CDH12: variants seen among roughly 807,000 people sequenced by gnomAD.
CDH12 encodes cadherin-12.
Under a neutral mutation model 74.1 loss-of-function variants are expected in CDH12, and 41 were observed. The observed-to-expected ratio is 0.55, with a 90% CI of 0.43 to 0.72. The LOEUF (loss-of-function observed/expected upper bound fraction) is 0.72. Among genes scored for constraint, CDH12 ranks in the 30% least tolerant of loss-of-function variants. The pLI, the probability that CDH12 is intolerant of heterozygous loss-of-function variation, is 0.00. For missense variants in CDH12, 945 were observed against 977.2 expected, an observed-to-expected ratio of 0.97 and a Z score of 0.44; for synonymous variants, 399 against 355.0, an observed-to-expected ratio of 1.12 and a Z score of -1.39.
chr5:21,910,821 G>T (rs1753829972), intron 6 of CDH12, among the ~76,000 whole-genome samples: 1 of 152,100 alleles, frequency 6.6e-6, no homozygotes, highest in Admixed American at 6.6e-5. Context: ...CCTCTTCTGT[G>T]CTAGGAAGAA....
chr5:22,574,358 T>C (rs191250735), intron 1 of CDH12, among the ~76,000 whole-genome samples: 11 of 152,212 alleles, frequency 7.2e-5, no homozygotes, highest in South Asian at 2.1e-4. Context: ...CATCACCGTC[T>C]TCAATTTCAG....
chr5:22,252,550 C>A (rs79740849), intron 3 of CDH12, among the ~76,000 whole-genome samples: 3,847 of 152,040 alleles, frequency 0.025, 72 homozygotes, highest in African/African-American at 0.052. Flanking sequence ...AAAGTTTATA[C>A]TTTATATTAC....
intron 1 of CDH12, among the ~76,000 whole-genome samples, chr5:22,625,719 G>T (rs1738253525): frequency 6.6e-6 from 1 of 152,120 alleles, no homozygotes; most frequent in Non-Finnish European, 1.5e-5. Context: ...ACGCATGCTT[G>T]CAGGGCATAT....
chr5:22,790,434 C>T (rs1012618085), intron 1 of CDH12, among the ~76,000 whole-genome samples: 1 of 152,022 alleles, frequency 6.6e-6, no homozygotes, highest in African/African-American at 2.4e-5. Context: ...TAGCCCAAAG[C>T]CTTACACTTC....
chr5:22,440,398 TA>T (rs1171954804), intron 2 of CDH12, among the ~76,000 whole-genome samples: 1 of 152,146 alleles, frequency 6.6e-6, no homozygotes, highest in Non-Finnish European at 1.5e-5. Flanking sequence ...TTAATAATAA[TA>T]GCCATAATAC....
At chr5:22,261,547 G>A (rs1302347013) in intron 3 of CDH12, among the ~76,000 whole-genome samples, 1 of 151,900 alleles carries the variant, frequency 6.6e-6, no homozygotes. Flanking sequence ...AGTTCATACT[G>A]GGCTCATCTT....
chr5:22,497,559 C>T (rs2126649976), intron 2 of CDH12, among the ~76,000 whole-genome samples: 1 of 151,664 alleles, frequency 6.6e-6, no homozygotes. Context: ...ATCAACACAT[C>T]AGCCAGAGAA....
chr5:22,169,509 C>A (rs1052600603), intron 4 of CDH12, among the ~76,000 whole-genome samples: 2 of 151,924 alleles, frequency 1.3e-5, no homozygotes, highest in Non-Finnish European at 2.9e-5. Context: ...TTGTTTAACA[C>A]AATGACCTTG....
At position 22,776,354 on chromosome 5, in the gene CDH12, A is replaced by G. The variant is rs1180427799; in HGVS notation, c.-523+76704T>C. Among the ~76,000 whole-genome samples, 5 of 152,110 alleles carry G rather than the reference A, an allele frequency of 3.3e-5. No homozygotes were observed. In the South Asian group the frequency reaches 8.3e-4, roughly 25 times the overall value. On this transcript the variant is annotated intron_variant, in intron 1 of 14. Coordinates refer to ENST00000382254, the MANE Select transcript of CDH12 (RefSeq NM_004061.5). ...ATGTTTAGCACCTACTACTTAAGAA[A>G]CACTAGTGTCACACGGGATTAAATA...
chr5:21,755,618 T>C lies in CDH12; in HGVS notation c.1858A>G (p.Ile620Val). 6.2e-7 allele frequency: 1 copy of C among 1,613,952 alleles called. No homozygotes were observed. Among genetic ancestry groups the C allele is most frequent in the South Asian group, 1.1e-5 (1 of 91,076 alleles). The change falls in exon 14 of 15, where the codon ATT (isoleucine) becomes GTT (valine). Residue 620 changes from isoleucine to valine, a missense_variant. Ile to Val is a conservative substitution (Grantham distance 29). This residue lies in a region of CDH12 where 791 missense variants were observed against 792.8 expected (regional missense o/e 1.00). Transcript: ENST00000382254. Reference sequence around the variant, plus strand: ...AAGAGTATAACAATGCATAGTAGAATTGCAATCAACGCCCCAGTGCTAAGT... The same window carrying C: ...AAGAGTATAACAATGCATAGTAGAACTGCAATCAACGCCCCAGTGCTAAGT... ...VGLSTGALIA[I>V]LLCIVILLAI... is the part of the protein sequence containing the mutation.
At chr5:22,743,582 A>G (rs147630468) in intron 1 of CDH12, among the ~76,000 whole-genome samples, 4 of 152,232 alleles carry the variant, frequency 2.6e-5, no homozygotes, top group East Asian at 3.9e-4. Flanking sequence ...TTTGGAAGAC[A>G]AATTACTAAA....
rs1236831803 is a variant in CDH12, at chr5:21,802,441, G to A, written c.1003-21C>T. ...AAAGGCTGTAGTGAGGACAAATTAA[G>A]AATAAGGAGTAAATTTATATAGAAT... On this transcript the variant is annotated intron_variant, in intron 9 of 14. Transcript: ENST00000382254. 8 of 1,595,860 alleles carry A rather than the reference G, an allele frequency of 5.0e-6. No individual in the cohort carries two copies. In the East Asian group the frequency reaches 1.8e-4, roughly 36 times the overall value.
intron 1 of CDH12, among the ~76,000 whole-genome samples, chr5:22,587,215 G>A (rs1740448698): frequency 6.6e-6 from 1 of 151,920 alleles, no homozygotes; most frequent in South Asian, 2.1e-4. Context: ...TTGCAGGAGT[G>A]GGTTAGTTAC....
intron 6 of CDH12, among the ~76,000 whole-genome samples, chr5:21,881,406 C>T (rs1293215834): frequency 1.3e-5 from 2 of 152,088 alleles, no homozygotes; most frequent in Admixed American, 6.6e-5. Context: ...GATGATGACG[C>T]GGGTTGTCTG....
intron 1 of CDH12, among the ~76,000 whole-genome samples, chr5:22,608,205 TG>T (rs1737216960): frequency 6.6e-6 from 1 of 152,214 alleles, no homozygotes; most frequent in Non-Finnish European, 1.5e-5. Context: ...GGCTATTCCC[TG>T]CAAAGCCACA....
At position 22,099,825 on chromosome 5, in the gene CDH12, T is replaced by G. The variant is rs192363996; in HGVS notation, c.-186-20963A>C. On this transcript the variant is annotated intron_variant, in intron 4 of 14. Coordinates refer to ENST00000382254, the MANE Select transcript of CDH12 (RefSeq NM_004061.5). ...CCTAGGTCCTCCCAATTCTTAGACC[T>G]TTAATACCTGTTTTTCTCCTTCTCT... 4.6e-3 allele frequency among the ~76,000 whole-genome samples: 702 copies of G among 152,304 alleles called. 9 individuals carry two copies. The highest frequency in any genetic ancestry group is 6.3e-3 in the Non-Finnish European group (431 of 68,028).
chr5:21,836,874 T>C (rs10068802), intron 8 of CDH12, among the ~76,000 whole-genome samples: 32,004 of 151,792 alleles, frequency 0.21, 3,651 homozygotes, highest in East Asian at 0.31. Flanking sequence ...TGTCTTTATA[T>C]AACTTCAGTT....
chr5:22,001,593 A>G (rs577804230), intron 5 of CDH12, among the ~76,000 whole-genome samples: 1 of 152,164 alleles, frequency 6.6e-6, no homozygotes, highest in East Asian at 1.9e-4. Context: ...CACCCAGGTT[A>G]TAGGCATGGT....
At chr5:22,203,397 C>T (rs1222820029) in intron 4 of CDH12, among the ~76,000 whole-genome samples, 2 of 152,170 alleles carry the variant, frequency 1.3e-5, no homozygotes, top group Non-Finnish European at 2.9e-5. Flanking sequence ...CCTCCAGGCT[C>T]ATCCAAGTTG....
Sources: allele counts gnomAD v4.1 joint callset (sites outside exome capture counted in the v4.1 genomes callset), GRCh38; gene constraint gnomAD v4.1.1; regional missense constraint gnomAD v4.1.1; transcripts MANE v1.5; gene names NCBI Gene and HGNC (gene_info 2026-07-23, HGNC 2026-07-21).